Variants in AGBL4 observed in about 807,000 individuals in gnomAD.
AGBL4 encodes cytosolic carboxypeptidase 6.
Under a neutral mutation model 66.4 loss-of-function variants are expected in AGBL4, and 58 were observed. The observed-to-expected ratio is 0.87, with a 90% CI of 0.71 to 1.09. The LOEUF (loss-of-function observed/expected upper bound fraction) is 1.09, where lower values mean the gene tolerates loss of function less well. Ranked by LOEUF, AGBL4 falls within the 50% of genes least tolerant of loss-of-function variation. The pLI is 0.00. For synonymous variants in AGBL4, 234 were observed against 222.9 expected, an observed-to-expected ratio of 1.05 and a Z score of -0.44; for missense variants, 579 against 631.0, an observed-to-expected ratio of 0.92 and a Z score of 0.88.
At chr1:48,787,446 G>A (rs1478325311) in intron 6 of AGBL4, among the ~76,000 whole-genome samples, 1 of 152,106 alleles carries the variant, frequency 6.6e-6, no homozygotes, top group Non-Finnish European at 1.5e-5. Context: ...ACAGGATAAA[G>A]ATGGCTTTCT....
intron 4 of AGBL4, among the ~76,000 whole-genome samples, chr1:49,060,525 CTG>C (rs1291039591): frequency 6.6e-6 from 1 of 152,010 alleles, no homozygotes; most frequent in African/African-American, 2.4e-5. Context: ...TGAGGAGCCA[CTG>C]TTAGATTTTT....
chr1:49,269,049 CT>C (rs956154130), intron 3 of AGBL4: 1 of 152,174 alleles, frequency 6.6e-6, no homozygotes, highest in African/African-American at 2.4e-5. Context: ...TCCATATTCT[CT>C]TTGAAATCCT....
chr1:48,829,977 G>A (rs1646513159), intron 6 of AGBL4, among the ~76,000 whole-genome samples: 1 of 152,138 alleles, frequency 6.6e-6, no homozygotes, highest in Admixed American at 6.5e-5. Flanking sequence ...AGGGTTGGAT[G>A]AGCACCAGGA....
intron 4 of AGBL4, among the ~76,000 whole-genome samples, chr1:49,189,223 T>G (rs1032220583): frequency 2.6e-5 from 4 of 152,184 alleles, no homozygotes; most frequent in African/African-American, 9.6e-5. Context: ...GAATCCTCCT[T>G]CTCATAATGT....
intron 3 of AGBL4, among the ~76,000 whole-genome samples, chr1:49,369,921 C>T (rs1426445476): frequency 1.3e-5 from 2 of 151,480 alleles, no homozygotes; most frequent in Admixed American, 6.6e-5. Context: ...GTGGGACATA[C>T]CCAATCAGTC....
At chr1:49,448,391 C>T (rs1007143003) in intron 3 of AGBL4, among the ~76,000 whole-genome samples, 1 of 152,132 alleles carries the variant, frequency 6.6e-6, no homozygotes. Context: ...CAGCAGGGTT[C>T]CATTCTATAT....
intron 6 of AGBL4, among the ~76,000 whole-genome samples, chr1:48,748,298 G>C (rs1471235712): frequency 1.3e-5 from 2 of 152,168 alleles, no homozygotes; most frequent in African/African-American, 4.8e-5. Context: ...GCGTGCCTCT[G>C]TTTCTTAGCC....
At chr1:49,260,555 T>G (rs1309240470) in intron 3 of AGBL4, among the ~76,000 whole-genome samples, 2 of 152,082 alleles carry the variant, frequency 1.3e-5, no homozygotes, top group Non-Finnish European at 2.9e-5. Context: ...CCAGAAAATC[T>G]AGAAGAAATG....
chr1:48,917,400 T>C (rs1250588963), intron 5 of AGBL4, among the ~76,000 whole-genome samples: 1 of 150,408 alleles, frequency 6.6e-6, no homozygotes, highest in African/African-American at 2.4e-5. Flanking sequence ...CCAGCTAAGC[T>C]GGAGGTAGAA....
At chr1:49,884,602 T>G (rs1398108290) in intron 1 of AGBL4, among the ~76,000 whole-genome samples, 2 of 151,746 alleles carry the variant, frequency 1.3e-5, no homozygotes, top group Admixed American at 6.6e-5. Context: ...TTATATAGTA[T>G]GCAAAATATT....
chr1:49,656,444 C>T (rs1412464322), intron 3 of AGBL4, among the ~76,000 whole-genome samples: 1 of 152,106 alleles, frequency 6.6e-6, no homozygotes, highest in Non-Finnish European at 1.5e-5. Flanking sequence ...GGAGCTGGTA[C>T]CATTCCTTCT....
intron 11 of AGBL4, among the ~76,000 whole-genome samples, chr1:48,576,837 G>A (rs1480840712): frequency 6.6e-6 from 1 of 152,184 alleles, no homozygotes; most frequent in African/African-American, 2.4e-5. Flanking sequence ...AGGGTAGTGT[G>A]GTGGATGTGG....
chr1:48,660,073 G>A (rs1646083111), intron 7 of AGBL4, among the ~76,000 whole-genome samples: 1 of 152,214 alleles, frequency 6.6e-6, no homozygotes, highest in African/African-American at 2.4e-5. Context: ...CACATGGCTG[G>A]CCACAGGGCC....
At chr1:49,819,889 T>C (rs1645324391) in intron 2 of AGBL4, among the ~76,000 whole-genome samples, 1 of 152,140 alleles carries the variant, frequency 6.6e-6, no homozygotes. Context: ...TCCTATACTT[T>C]GGGAAAGAGA....
chr1:49,583,956 C>T (rs1413234860), intron 3 of AGBL4, among the ~76,000 whole-genome samples: 1 of 152,184 alleles, frequency 6.6e-6, no homozygotes, highest in East Asian at 1.9e-4. Context: ...GAGATCAGCA[C>T]TCTCACTAGA....
chr1:49,727,812 C>T (rs1649144701), intron 2 of AGBL4, among the ~76,000 whole-genome samples: 2 of 152,106 alleles, frequency 1.3e-5, no homozygotes, highest in African/African-American at 4.8e-5. Flanking sequence ...CCCATAAAAA[C>T]TCCAAGTATT....
At chr1:49,068,627 T>C (rs1284391094) in intron 4 of AGBL4, among the ~76,000 whole-genome samples, 2 of 152,212 alleles carry the variant, frequency 1.3e-5, no homozygotes, top group African/African-American at 4.8e-5. Flanking sequence ...ATCCAGTCTA[T>C]CATTGATAGG....
intron 3 of AGBL4, among the ~76,000 whole-genome samples, chr1:49,262,659 G>T (rs1016569619): frequency 2.0e-5 from 3 of 152,012 alleles, no homozygotes; most frequent in Non-Finnish European, 2.9e-5. Context: ...GAAACAACAG[G>T]TGCTGGAGAG....
At chr1:48,889,620 G>A (rs1650721796) in intron 5 of AGBL4, among the ~76,000 whole-genome samples, 1 of 152,192 alleles carries the variant, frequency 6.6e-6, no homozygotes, top group Non-Finnish European at 1.5e-5. Context: ...GAGTTAGTGG[G>A]AAGTTATGAA....
Sources: gnomAD v4.1 joint callset for allele counts (sites outside exome capture counted in the v4.1 genomes callset) on GRCh38, gnomAD v4.1.1 for gene constraint, MANE v1.5 for transcripts, NCBI Gene and HGNC (gene_info 2026-07-23, HGNC 2026-07-21) for gene names.